Variants in SUN1 observed in about 807,000 individuals in gnomAD.
SUN1 encodes the protein SUN domain-containing protein 1.
In SUN1, 61 loss-of-function variants were observed where a neutral mutation model predicts 103.2. That is an observed-to-expected ratio of 0.59 (90% CI 0.48 to 0.73). The LOEUF is 0.73. Ranked by LOEUF, SUN1 falls within the 30% of genes least tolerant of loss-of-function variation. The probability of loss-of-function intolerance (pLI) is 0.00; values close to 1 mark genes in which losing one functional copy is unlikely to be tolerated. For missense variants in SUN1, 1,052 were observed against 1,034.6 expected (o/e 1.02, Z -0.23); for synonymous variants, 490 against 425.7 (o/e 1.15, Z -1.86).
intron 2 of SUN1, among the ~76,000 whole-genome samples, chr7:839,366 G>A (rs138757636): frequency 3.9e-4 from 60 of 152,352 alleles, no homozygotes; most frequent in African/African-American, 1.2e-3. Flanking sequence ...ACATGCTGTC[G>A]TGGACGATCT....
intron 1 of SUN1, chr7:817,362 G>C (rs1215646884): frequency 6.6e-7 from 1 of 1,503,936 alleles, no homozygotes; most frequent in African/African-American, 1.4e-5. Context: ...AGGCGCGCGC[G>C]TGGTCTCCGC....
intron 16 of SUN1, among the ~76,000 whole-genome samples, chr7:868,147 C>T (rs902475465): frequency 6.6e-6 from 1 of 152,238 alleles, no homozygotes. Flanking sequence ...CTCTTCTAAA[C>T]ACGAATGAAA....
At chr7:858,800 T>G (rs1488783214) in intron 13 of SUN1, among the ~76,000 whole-genome samples, 1 of 152,178 alleles carries the variant, frequency 6.6e-6, no homozygotes, top group African/African-American at 2.4e-5. Flanking sequence ...TGTGGTAAGA[T>G]TATCTCTGAT....
rs369041055 is a variant in SUN1, at chr7:861,478, C to T, written c.1864+14C>T. 824 of 1,612,716 alleles carry T rather than the reference C, an allele frequency of 5.1e-4. 1 individual carries two copies. The highest frequency in any genetic ancestry group is 5.0e-4 in the Non-Finnish European group (589 of 1,178,720). ...TGGAATCTGGTGGTGAGTAAATAGA[C>T]GTTCTGATTACTAAGTTAGATGATC... On this transcript the variant is annotated intron_variant, in intron 15 of 18. Coordinates refer to ENST00000401592, the MANE Select transcript of SUN1 (RefSeq NM_001130965.3).
chr7:873,029 G>A (rs1281784652), intron 18 of SUN1, among the ~76,000 whole-genome samples, 186 bp from the exon 19 acceptor site: 2 of 152,254 alleles, frequency 1.3e-5, no homozygotes, highest in Non-Finnish European at 2.9e-5. Context: ...GGAGCTTGCA[G>A]TGAGCTGAGA....
At chr7:851,540 C>G in intron 6 of SUN1, 58 bp downstream of exon 6, 1 of 1,333,454 alleles carries the variant, frequency 7.5e-7, no homozygotes, top group African/African-American at 2.1e-5. Context: ...AGCTAAGCAC[C>G]TGCACTCGAT....
chr7:847,214 CGG>C, intron 5 of SUN1, among the ~76,000 whole-genome samples: 1 of 152,232 alleles, frequency 6.6e-6, no homozygotes, highest in South Asian at 2.1e-4. Flanking sequence ...GCGGAGTTGG[CGG>C]CCTTCCCCTG....
At chr7:867,047 C>A (rs1837530998) in intron 16 of SUN1, among the ~76,000 whole-genome samples, 1 of 152,226 alleles carries the variant, frequency 6.6e-6, no homozygotes, top group Admixed American at 6.5e-5. Flanking sequence ...TAGGAAAACA[C>A]AAGTCCAGCC....
Position 843,402 on chromosome 7 carries a change from C to G in SUN1, c.540C>G (p.His180Gln), listed in dbSNP as rs571007248. The change falls in exon 5 of 19, where the codon CAC (histidine) becomes CAG (glutamine). Residue 180 changes from histidine (H) to glutamine (Q), a missense_variant. Physicochemically the swap from His to Gln is conservative, Grantham distance 24. This residue lies in a region of SUN1 where 846 missense variants were observed against 774.5 expected (regional missense o/e 1.09). Coordinates refer to ENST00000401592, the MANE Select transcript of SUN1 (RefSeq NM_001130965.3). Reference sequence around the variant, plus strand: ...TGGGAGCCGCCGCCGCCACCGCGCACAACGGCTTCTCCTGCAGCAACTGCA... The same window carrying G: ...TGGGAGCCGCCGCCGCCACCGCGCAGAACGGCTTCTCCTGCAGCAACTGCA... ...GDVGAAAATA[H>Q]NGFSCSNCSM... The G allele has an allele frequency of 3.1e-6, 5 of 1,613,210 alleles. No individual in the cohort carries two copies. Among genetic ancestry groups the G allele is most frequent in the Admixed American group, 3.3e-5 (2 of 59,966 alleles).
chr7:824,821 A>G (rs1387732938), intron 1 of SUN1, among the ~76,000 whole-genome samples: 1 of 143,516 alleles, frequency 7.0e-6, no homozygotes, highest in African/African-American at 2.5e-5. Flanking sequence ...TTTGCTGCTG[A>G]TGGGGTGTGC....
chr7:829,365 A>T (rs1294373369), upstream of SUN1, among the ~76,000 whole-genome samples: 1 of 152,136 alleles, frequency 6.6e-6, no homozygotes, highest in Non-Finnish European at 1.5e-5. Context: ...CGGTCAGTAG[A>T]GCTGGTCTCA....
At position 856,991 on chromosome 7, in the gene SUN1, A is replaced by G. The variant is rs553148251; in HGVS notation, c.1394+590A>G. Among the ~76,000 whole-genome samples, 4 of 152,278 alleles carry G rather than the reference A, an allele frequency of 2.6e-5. No individual in the cohort carries two copies. In the South Asian group the frequency reaches 8.3e-4, roughly 32 times the overall value. Reference sequence around the variant, plus strand: ...CGGGTCCCTCTGCAGTTCCTGGGGAAGCTGGCATTTTGCTCCTCACTCAGG... The same window carrying G: ...CGGGTCCCTCTGCAGTTCCTGGGGAGGCTGGCATTTTGCTCCTCACTCAGG... On this transcript the variant is annotated intron_variant, in intron 12 of 18. Transcript: ENST00000401592.
At chr7:860,531 C>A in intron 14 of SUN1, 149 bp downstream of exon 14, 1 of 1,344,490 alleles carries the variant, frequency 7.4e-7, no homozygotes, top group Non-Finnish European at 1.0e-6. Context: ...ATGAGACGTG[C>A]CTGGGCAGTG....
intron 5 of SUN1, among the ~76,000 whole-genome samples, chr7:845,560 A>G (rs1354761656): frequency 2.0e-5 from 3 of 152,198 alleles, no homozygotes; most frequent in East Asian, 1.9e-4. Context: ...ACACACTTCC[A>G]GAAATTTCCC....
upstream of SUN1, chr7:832,395 A>G (rs1490605013): frequency 2.3e-6 from 2 of 876,290 alleles, no homozygotes; most frequent in Non-Finnish European, 3.7e-6. Context: ...GTGAGTTTTG[A>G]GGGTGACCTG....
chr7:828,348 T>C (rs528059100), upstream of SUN1, among the ~76,000 whole-genome samples: 306 of 151,918 alleles, frequency 2.0e-3, 1 homozygote, highest in Non-Finnish European at 4.0e-3. Flanking sequence ...GTTGGCTCAC[T>C]GCAACCTCCA....
At chr7:824,775 G>A (rs565497134) in intron 1 of SUN1, among the ~76,000 whole-genome samples, 9 of 152,122 alleles carry the variant, frequency 5.9e-5, no homozygotes, top group African/African-American at 2.2e-4. Context: ...GTGAAGAAAC[G>A]TTGCATCTTG....
At chr7:868,449 A>G (rs1295297753) in intron 16 of SUN1, 1 of 296,586 alleles carries the variant, frequency 3.4e-6, no homozygotes, top group Non-Finnish European at 6.6e-6. Context: ...TAGAACGTGC[A>G]TTTTCCCAGG....
At chr7:820,627 C>G (rs1161002879) in intron 1 of SUN1, among the ~76,000 whole-genome samples, 2 of 152,158 alleles carry the variant, frequency 1.3e-5, no homozygotes, top group Non-Finnish European at 2.9e-5. Flanking sequence ...AGTGGCCGCC[C>G]TTGTCTTGTT....
Sources: allele counts gnomAD v4.1 joint callset (sites outside exome capture counted in the v4.1 genomes callset), GRCh38; gene constraint gnomAD v4.1.1; regional missense constraint gnomAD v4.1.1; transcripts MANE v1.5; gene names NCBI Gene and HGNC (gene_info 2026-07-23, HGNC 2026-07-21).